RALGAPA1: variants seen among roughly 807,000 people sequenced by gnomAD.
RALGAPA1 encodes the protein ral GTPase-activating protein subunit alpha-1.
Under a neutral mutation model 269.6 loss-of-function variants are expected in RALGAPA1, and 52 were observed. The observed-to-expected ratio is 0.19, with a 90% CI of 0.15 to 0.24. The LOEUF (loss-of-function observed/expected upper bound fraction) is 0.24. RALGAPA1 is among the 10% of genes least tolerant of loss of function. The probability of loss-of-function intolerance (pLI) is 1.00; values close to 1 mark genes in which losing one functional copy is unlikely to be tolerated. For missense variants in RALGAPA1, 1,917 were observed against 3,013.9 expected (o/e 0.64, Z 8.52); for synonymous variants, 817 against 1,008.3 (o/e 0.81, Z 3.60).
chr14:35,623,122 T>C (rs1476059353), intron 35 of RALGAPA1, among the ~76,000 whole-genome samples: 2 of 143,980 alleles, frequency 1.4e-5, no homozygotes, highest in African/African-American at 2.6e-5. Context: ...AATAAGGAAA[T>C]GTACTAGAAT....
At chr14:35,793,324 G>A (rs565756467) in intron 1 of RALGAPA1, among the ~76,000 whole-genome samples, 42 of 149,340 alleles carry the variant, frequency 2.8e-4, no homozygotes, top group African/African-American at 6.9e-4. Context: ...GACAACCTCC[G>A]CCTCCCAGGT....
At chr14:35,651,304 C>G (rs1490906568) in intron 31 of RALGAPA1, among the ~76,000 whole-genome samples, 1 of 152,062 alleles carries the variant, frequency 6.6e-6, no homozygotes, top group Non-Finnish European at 1.5e-5. Flanking sequence ...AAAAGTAACT[C>G]TAGAACTGGT....
intron 19 of RALGAPA1, 34 bp downstream of exon 19, chr14:35,686,508 C>T (rs2065948598): frequency 6.4e-7 from 1 of 1,559,094 alleles, no homozygotes; most frequent in Non-Finnish European, 8.6e-7. Flanking sequence ...TTCTACCCTC[C>T]TCTATAAAAC....
chr14:35,589,791 C>A (rs1178943556), intron 37 of RALGAPA1, among the ~76,000 whole-genome samples: 1 of 152,066 alleles, frequency 6.6e-6, no homozygotes, highest in African/African-American at 2.4e-5. Flanking sequence ...GCCTCAAGCT[C>A]CTGGACTCAA....
chr14:35,793,246 T>G (rs1567242279), intron 1 of RALGAPA1, among the ~76,000 whole-genome samples: 1 of 151,946 alleles, frequency 6.6e-6, no homozygotes. Context: ...TACTTTTTTT[T>G]TTTTTTTTGA....
intron 4 of RALGAPA1, chr14:35,766,047 A>C (rs1336861366): frequency 7.4e-7 from 1 of 1,357,818 alleles, no homozygotes; most frequent in African/African-American, 1.4e-5. Flanking sequence ...AACTGGAGGA[A>C]GCTCAGGTGG....
At position 35,744,053 on chromosome 14, in the gene RALGAPA1, T is replaced by C. The variant is rs568886930; in HGVS notation, c.1252-1488A>G. ...TGTTTGTGTTTATGGGTTAATATTT[T>C]TACTTTACTTTTTAGGTGCAAATAG... On this transcript the variant is annotated intron_variant, in intron 10 of 41. Transcript: ENST00000680220. Among the ~76,000 whole-genome samples the C allele has an allele frequency of 5.7e-4, 87 of 152,336 alleles. 1 individual carries two copies. The highest frequency in any genetic ancestry group is 1.4e-3 in the East Asian group (7 of 5,184).
chr14:35,787,744 T>TAA (rs759588666), intron 1 of RALGAPA1, among the ~76,000 whole-genome samples: 2 of 139,586 alleles, frequency 1.4e-5, no homozygotes, highest in Non-Finnish European at 1.6e-5. Flanking sequence ...CCCAGCTAAT[T>TAA]AAAAAAAAAA....
In RALGAPA1 at chr14:35,655,859, G is replaced by A. The variant is rs777270099; in HGVS notation, c.5444C>T (p.Ser1815Phe). The A allele has an allele frequency of 2.5e-6, 4 of 1,613,422 alleles. No homozygotes were observed. In the East Asian group the frequency reaches 8.9e-5, roughly 36 times the overall value. The stretch of plus-strand genomic sequence containing the variant: ...AGCTTCCTTAATTTGAGGATGATGA[G>A]ACTCATGGACTAGTTCTTCACAAAT... ...IWICEELVHE[S>F]HHPQIKEALN... The change falls in exon 29 of 42, where the codon TCT (serine) becomes TTT (phenylalanine). Residue 1815 changes from serine (S) to phenylalanine (F), a missense_variant. By Grantham distance (155) the Ser-to-Phe change is radical. Transcript: ENST00000680220.
intron 39 of RALGAPA1, among the ~76,000 whole-genome samples, chr14:35,561,675 A>G (rs1030052128): frequency 1.4e-4 from 21 of 151,588 alleles, no homozygotes; most frequent in African/African-American, 4.8e-4. Flanking sequence ...TGCCTGGCTA[A>G]TTTTTTGTAT....
chr14:35,806,100 A>T (rs1424523818), intron 1 of RALGAPA1, among the ~76,000 whole-genome samples: 1 of 152,194 alleles, frequency 6.6e-6, no homozygotes. Context: ...AAATTATTCA[A>T]TTATGTACTT....
At chr14:35,549,070 G>A in intron 40 of RALGAPA1, 40 bp downstream of exon 40, 1 of 1,602,142 alleles carries the variant, frequency 6.2e-7, no homozygotes, top group Non-Finnish European at 8.5e-7. Flanking sequence ...TGCATTTCAA[G>A]TTCCAATAAC....
At chr14:35,768,772 G>A (rs1175462419) in intron 4 of RALGAPA1, among the ~76,000 whole-genome samples, 1 of 151,828 alleles carries the variant, frequency 6.6e-6, no homozygotes, top group Non-Finnish European at 1.5e-5. Context: ...ACTTTGGGAG[G>A]CCGAGGTGGG....
At chr14:35,719,468 A>G (rs141850104) in intron 16 of RALGAPA1, among the ~76,000 whole-genome samples, 5 of 152,304 alleles carry the variant, frequency 3.3e-5, no homozygotes, top group Middle Eastern at 3.4e-3. Flanking sequence ...TTCAGACAAA[A>G]CTGTTTTGAC....
At chr14:35,781,091 C>A (rs773292781) in intron 1 of RALGAPA1, among the ~76,000 whole-genome samples, 2 of 152,078 alleles carry the variant, frequency 1.3e-5, no homozygotes, top group African/African-American at 2.4e-5. Flanking sequence ...TTGAAACACT[C>A]AAAAAACTTG....
At chr14:35,591,801 A>G (rs770107053) in intron 37 of RALGAPA1, among the ~76,000 whole-genome samples, 1 of 152,190 alleles carries the variant, frequency 6.6e-6, no homozygotes, top group Non-Finnish European at 1.5e-5. Context: ...CTCAAATTGT[A>G]ATCCACATGT....
At chr14:35,767,389 A>T (rs1263920090) in intron 4 of RALGAPA1, among the ~76,000 whole-genome samples, 3 of 152,158 alleles carry the variant, frequency 2.0e-5, no homozygotes, top group Non-Finnish European at 4.4e-5. Flanking sequence ...GTTACATCTT[A>T]AAAAAACTAG....
At chr14:35,789,603 C>G (rs1029122080) in intron 1 of RALGAPA1, among the ~76,000 whole-genome samples, 1 of 151,542 alleles carries the variant, frequency 6.6e-6, no homozygotes, top group Admixed American at 6.6e-5. Flanking sequence ...AAAAAAAAAT[C>G]AAATGCCTGA....
chr14:35,674,381 T>C (rs1436046720), intron 23 of RALGAPA1, 103 bp from the exon 24 acceptor site: 2 of 1,258,578 alleles, frequency 1.6e-6, no homozygotes, highest in Non-Finnish European at 1.1e-6. Flanking sequence ...TACTATTTAA[T>C]TACAATTAAG....
Sources: allele counts gnomAD v4.1 joint callset (sites outside exome capture counted in the v4.1 genomes callset), GRCh38; gene constraint gnomAD v4.1.1; transcripts MANE v1.5; gene names NCBI Gene and HGNC (gene_info 2026-07-23, HGNC 2026-07-21).